PEG3: variants seen among roughly 807,000 people sequenced by gnomAD.
PEG3 encodes the protein paternally-expressed gene 3 protein.
In PEG3, 23 loss-of-function variants were observed where a neutral mutation model predicts 35.5. That is an observed-to-expected ratio of 0.65 (90% CI 0.47 to 0.92). PEG3 has a LOEUF of 0.92. Among genes scored for constraint, PEG3 ranks in the 40% least tolerant of loss-of-function variants. The probability of loss-of-function intolerance (pLI) is 0.00; values close to 1 mark genes in which losing one functional copy is unlikely to be tolerated. For synonymous variants in PEG3, 707 were observed against 697.0 expected (o/e 1.01, Z -0.23); for missense variants, 1,960 against 1,985.3 (o/e 0.99, Z 0.24).
chr19:56,821,990 G>C (rs1309090585), intron 6 of PEG3, among the ~76,000 whole-genome samples: 1 of 152,098 alleles, frequency 6.6e-6, no homozygotes, highest in Non-Finnish European at 1.5e-5. Flanking sequence ...CCCAGTCTCG[G>C]AGGTGGTTCA....
chr19:56,812,322 C>G lies in PEG3; in HGVS notation c.*1353G>C. ...GATGAACACAACACTCAGAAATACT[C>G]TAGGAGAGCTGAAAAAGAAGGAACA... On this transcript the variant is annotated 3_prime_UTR_variant, in exon 10 of 10. Coordinates refer to ENST00000326441, the MANE Select transcript of PEG3 (RefSeq NM_006210.3). 5.1e-6 allele frequency: 5 copies of G among 982,046 alleles called. No individual in the cohort carries two copies. The highest frequency in any genetic ancestry group is 6.0e-6 in the Non-Finnish European group (5 of 827,208). The allele number at this position is 982,046 out of a possible 1,614,324, so 60.8% of individuals were successfully genotyped here.
intron 2 of PEG3, among the ~76,000 whole-genome samples, chr19:56,834,673 C>T (rs1163269335): frequency 6.6e-6 from 1 of 152,210 alleles, no homozygotes; most frequent in East Asian, 1.9e-4. Context: ...CAAGTCTCCA[C>T]AGGGTTAAGC....
At chr19:56,823,780 G>A in intron 4 of PEG3, 101 bp from the exon 5 acceptor site, 1 of 1,350,590 alleles carries the variant, frequency 7.4e-7, no homozygotes, top group Non-Finnish European at 1.1e-6. Flanking sequence ...GACACACATG[G>A]TTGGAATGAC....
intron 1 of PEG3, among the ~76,000 whole-genome samples, chr19:56,837,494 G>A (rs1441355080): frequency 3.3e-5 from 5 of 152,216 alleles, no homozygotes; most frequent in African/African-American, 4.8e-5. Flanking sequence ...GTTTGGCCTT[G>A]GATTCCACTT....
Position 56,812,807 on chromosome 19 carries a change from A to AT in PEG3, c.*867dup. On this transcript the variant is annotated 3_prime_UTR_variant, in exon 10 of 10. Transcript: ENST00000326441. ...ATCAATTCACTATCATCAAACACAT[A>AT]TTGAGTTGGTTAAAAAAAAAAAAAA... 1 of 933,858 alleles carries AT rather than the reference A, an allele frequency of 1.1e-6. No homozygotes were observed. The highest frequency in any genetic ancestry group is 2.2e-5 in the African/African-American group (1 of 44,926). The allele number at this position is 933,858 out of a possible 1,614,324, so 57.8% of individuals were successfully genotyped here. A position where few individuals can be genotyped will look rare whatever the true frequency, so the allele number is the denominator to read the frequency against.
At chr19:56,836,582 G>A (rs576282524) in intron 1 of PEG3, among the ~76,000 whole-genome samples, 13 of 152,272 alleles carry the variant, frequency 8.5e-5, no homozygotes, top group African/African-American at 3.1e-4. Flanking sequence ...ATCAATTAGA[G>A]GTCCCTGGGG....
intron 7 of PEG3, among the ~76,000 whole-genome samples, chr19:56,818,957 G>C (rs2060228229): frequency 6.6e-6 from 1 of 152,190 alleles, no homozygotes. Context: ...TTTGGTTGGA[G>C]AGAAAAGACT....
At position 56,811,968 on chromosome 19, in the gene PEG3, T is replaced by C. The variant is rs2059570237; in HGVS notation, c.*1707A>G. 4 of 985,312 alleles carry C rather than the reference T, an allele frequency of 4.1e-6. No individual in the cohort carries two copies. The South Asian group carries it at 1.9e-4, about 46-fold the overall frequency. 61.0% of individuals were successfully genotyped at this position (985,312 alleles called of 1,614,324 possible). A position where few individuals can be genotyped will look rare whatever the true frequency, so the allele number is the denominator to read the frequency against. ...CTTCTTGCTCTCAGCTCTACAATCTTCCTAAACTTTGACACTCCCTGCATC... is the reference window on the plus strand; with the variant it reads ...CTTCTTGCTCTCAGCTCTACAATCTCCCTAAACTTTGACACTCCCTGCATC... On this transcript the variant is annotated 3_prime_UTR_variant, in exon 10 of 10. Coordinates refer to ENST00000326441, the MANE Select transcript of PEG3 (RefSeq NM_006210.3).
intron 7 of PEG3, 142 bp downstream of exon 7, chr19:56,821,509 G>GC: frequency 1.0e-6 from 1 of 979,420 alleles, no homozygotes. Flanking sequence ...TAAGGGATGG[G>GC]CCCGGGCTCC....
intron 2 of PEG3, among the ~76,000 whole-genome samples, chr19:56,834,198 A>G (rs1009734302): frequency 3.5e-4 from 53 of 152,148 alleles, no homozygotes; most frequent in African/African-American, 1.3e-3. Flanking sequence ...GTAGGCCACA[A>G]AGCTTGGTCC....
chr19:56,835,657 T>C (rs1368434460), intron 2 of PEG3, among the ~76,000 whole-genome samples: 1 of 152,248 alleles, frequency 6.6e-6, no homozygotes, highest in Non-Finnish European at 1.5e-5. Flanking sequence ...AAACACTTCC[T>C]TTCCCCCATT....
chr19:56,831,886 A>C (rs1429180725), intron 2 of PEG3, among the ~76,000 whole-genome samples: 1 of 152,254 alleles, frequency 6.6e-6, no homozygotes, highest in Non-Finnish European at 1.5e-5. Flanking sequence ...ACAGAGAATG[A>C]GAATGTCCAC....
At chr19:56,839,075 C>T (rs949274767) in intron 1 of PEG3, among the ~76,000 whole-genome samples, 3 of 149,554 alleles carry the variant, frequency 2.0e-5, no homozygotes, top group African/African-American at 7.4e-5. Context: ...GGCCTTGTCT[C>T]GCCCAACCAA....
chr19:56,817,294 G>T lies in PEG3; in HGVS notation c.1148C>A (p.Ser383Tyr). Residue 383 changes from serine to tyrosine, a missense_variant, in exon 10 of 10, where the codon TCC becomes TAC. Ser to Tyr is a moderately radical substitution (Grantham distance 144). Coordinates refer to ENST00000326441, the MANE Select transcript of PEG3 (RefSeq NM_006210.3). Reference protein sequence around the residue: ...GGFRFNSTLVSRKRVLERKRR... With the variant: ...GGFRFNSTLVYRKRVLERKRR... Reference sequence around the variant, plus strand: ...CTTTCTTTCAAGAACTCTCTTTCTGGAAACAAGGGTTGAATTAAACCTAAA... The same window carrying T: ...CTTTCTTTCAAGAACTCTCTTTCTGTAAACAAGGGTTGAATTAAACCTAAA... The T allele has an allele frequency of 6.2e-7, 1 of 1,614,098 alleles. No individual in the cohort carries two copies. The highest frequency in any genetic ancestry group is 8.5e-7 in the Non-Finnish European group (1 of 1,180,010).
Position 56,811,444 on chromosome 19 carries a change from A to G in PEG3, c.*2231T>C. The G allele has an allele frequency of 2.1e-6, 2 of 937,880 alleles. No homozygotes were observed. Among genetic ancestry groups the G allele is most frequent in the Non-Finnish European group, 2.5e-6 (2 of 786,666 alleles). 58.1% of individuals were successfully genotyped at this position (937,880 alleles called of 1,614,324 possible). The stretch of plus-strand genomic sequence containing the variant: ...AAATATATTTCCACGTTGCTACATA[A>G]CTCGTGATTATCATTTTTAAACAGT... On this transcript the variant is annotated 3_prime_UTR_variant, in exon 10 of 10. Transcript: ENST00000326441.
At position 56,814,556 on chromosome 19, in the gene PEG3, C is replaced by T; in HGVS notation, c.3886G>A (p.Glu1296Lys). 1 of 1,613,798 alleles carries T rather than the reference C, an allele frequency of 6.2e-7. No homozygotes were observed. The highest frequency in any genetic ancestry group is 8.5e-7 in the Non-Finnish European group (1 of 1,179,838). ...VCGESFVNPA[E>K]LADHVTVHKN... is the part of the protein sequence containing the mutation. ...TGAACAGTTACGTGATCTGCAAGTTCTGCTGGGTTGACGAAAGATTCTCCA... is the reference window on the plus strand; with the variant it reads ...TGAACAGTTACGTGATCTGCAAGTTTTGCTGGGTTGACGAAAGATTCTCCA... The change falls in exon 10 of 10, where the codon GAA (glutamate) becomes AAA (lysine). Residue 1296 changes from glutamate to lysine, a missense_variant. Glu to Lys is a moderately conservative substitution (Grantham distance 56). This residue lies in a region of PEG3 where 416 missense variants were observed against 416.7 expected (regional missense o/e 1.00). Coordinates refer to ENST00000326441, the MANE Select transcript of PEG3 (RefSeq NM_006210.3). The surrounding 1 kb of genome is among the most constrained non-coding windows in gnomAD (Gnocchi z 5.8).
Position 56,821,727 on chromosome 19 carries a change from G to C in PEG3, c.593C>G (p.Pro198Arg), listed in dbSNP as rs763203724. The change falls in exon 7 of 10, where the codon CCT (proline) becomes CGT (arginine). Residue 198 changes from proline to arginine, a missense_variant. This residue lies in a region of PEG3 where 613 missense variants were observed against 577.1 expected (regional missense o/e 1.06). Coordinates refer to ENST00000326441, the MANE Select transcript of PEG3 (RefSeq NM_006210.3). The part of the protein sequence containing the change: ...SRMPPRDLSL[P>R]VVAKTSFEMD... The stretch of plus-strand genomic sequence containing the variant: ...TTCAAAGCTTGTTTTCGCCACCACA[G>C]GAAGGGAAAGATCCCGCGGAGGCAT... 3 of 1,614,066 alleles carry C rather than the reference G, an allele frequency of 1.9e-6. No individual in the cohort carries two copies. Among genetic ancestry groups the C allele is most frequent in the Non-Finnish European group, 2.5e-6 (3 of 1,180,020 alleles).
rs2060822930 is a variant in PEG3 at position 56,824,496 on chromosome 19, A to G, written c.160T>C (p.Tyr54His). ...FFHQRFRNLI[Y>H]VEFVGPRKTL... Reference sequence around the variant, plus strand: ...TTCCGAGGCCCAACAAATTCCACATAGATTAGGTTCCGAAACCTCTGATGA... The same window carrying G: ...TTCCGAGGCCCAACAAATTCCACATGGATTAGGTTCCGAAACCTCTGATGA... Residue 54 changes from tyrosine (Y) to histidine (H), a missense_variant, in exon 4 of 10, where the codon TAT (tyrosine) becomes CAT (histidine). Tyr to His is a moderately conservative substitution (Grantham distance 83). This residue lies in a region of PEG3 where 613 missense variants were observed against 577.1 expected (regional missense o/e 1.06). Transcript: ENST00000326441. 6.2e-7 allele frequency: 1 copy of G among 1,614,000 alleles called. No homozygotes were observed. Among genetic ancestry groups the G allele is most frequent in the Admixed American group, 1.7e-5 (1 of 60,004 alleles).
intron 1 of PEG3, among the ~76,000 whole-genome samples, chr19:56,839,245 A>AGCC (rs2062642606): frequency 3.4e-5 from 5 of 148,916 alleles, no homozygotes; most frequent in Admixed American, 6.7e-5. Context: ...CCTGCGCAGC[A>AGCC]AACTCCAGCA....
Sources: allele counts gnomAD v4.1 joint callset (sites outside exome capture counted in the v4.1 genomes callset), GRCh38; gene constraint gnomAD v4.1.1; regional missense constraint gnomAD v4.1.1; non-coding constraint Gnocchi (gnomAD v3.1); transcripts MANE v1.5; gene names NCBI Gene and HGNC (gene_info 2026-07-23, HGNC 2026-07-21).